Variants in PDE4D observed in about 807,000 individuals in gnomAD.
PDE4D encodes the protein 3',5'-cyclic-AMP phosphodiesterase 4D.
In PDE4D, 24 loss-of-function variants were observed where a neutral mutation model predicts 87.4. That is an observed-to-expected ratio of 0.27 (90% CI 0.20 to 0.39). The LOEUF is 0.39. Ranked by LOEUF, PDE4D falls within the 10% of genes least tolerant of loss-of-function variation. The pLI is 1.00. For missense variants in PDE4D, 714 were observed against 1,041.0 expected (o/e 0.69, Z 4.32); for synonymous variants, 384 against 383.2 (o/e 1.00, Z -0.02).
intron 1 of PDE4D, among the ~76,000 whole-genome samples, chr5:59,879,182 G>A (rs1749078460): frequency 2.0e-5 from 3 of 152,068 alleles, no homozygotes; most frequent in Admixed American, 1.3e-4. Flanking sequence ...TTACAGGCGT[G>A]AGCCACCGCG....
intron 1 of PDE4D, among the ~76,000 whole-genome samples, chr5:59,251,867 T>C (rs1337285223): frequency 6.6e-6 from 1 of 152,182 alleles, no homozygotes; most frequent in Non-Finnish European, 1.5e-5. Context: ...TGAGATCATG[T>C]CTTTTAACAT....
intron 1 of PDE4D, among the ~76,000 whole-genome samples, chr5:60,518,608 C>T (rs1048316656): frequency 6.6e-6 from 1 of 152,170 alleles, no homozygotes; most frequent in Non-Finnish European, 1.5e-5. Context: ...AGAGTTCATA[C>T]ACACACTCAA....
At chr5:60,316,444 G>A (rs1445942441) in intron 1 of PDE4D, among the ~76,000 whole-genome samples, 1 of 152,188 alleles carries the variant, frequency 6.6e-6, no homozygotes, top group African/African-American at 2.4e-5. Context: ...AAGACAATTT[G>A]ATTTCCTGTT....
intron 1 of PDE4D, among the ~76,000 whole-genome samples, chr5:59,628,351 C>T (rs1368863660): frequency 6.6e-6 from 1 of 152,174 alleles, no homozygotes; most frequent in Non-Finnish European, 1.5e-5. Context: ...ATCTATGCTT[C>T]TATGTCTAGA....
At chr5:59,678,999 CT>C (rs1418818863) in intron 1 of PDE4D, among the ~76,000 whole-genome samples, 1 of 152,160 alleles carries the variant, frequency 6.6e-6, no homozygotes, top group Non-Finnish European at 1.5e-5. Context: ...CATTACCAAT[CT>C]TTCTATTTCT....
intron 1 of PDE4D, among the ~76,000 whole-genome samples, chr5:60,367,106 G>T (rs533752368): frequency 2.6e-5 from 4 of 151,990 alleles, no homozygotes; most frequent in African/African-American, 9.6e-5. Flanking sequence ...TTTTTTTGTT[G>T]TTGTTGGGAG....
chr5:59,347,811 A>G (rs1378028018), intron 1 of PDE4D, among the ~76,000 whole-genome samples: 1 of 152,178 alleles, frequency 6.6e-6, no homozygotes, highest in East Asian at 1.9e-4. Context: ...ACAAGTCAGT[A>G]ATGAGGTCAA....
At chr5:59,089,028 C>G (rs1768220233) in intron 5 of PDE4D, among the ~76,000 whole-genome samples, 1 of 152,176 alleles carries the variant, frequency 6.6e-6, no homozygotes, top group Non-Finnish European at 1.5e-5. Context: ...TGTAGAAGTT[C>G]AATACATATT....
chr5:60,097,593 T>A (rs964970265), intron 2 of PDE4D, among the ~76,000 whole-genome samples: 5 of 151,998 alleles, frequency 3.3e-5, no homozygotes, highest in African/African-American at 1.2e-4. Flanking sequence ...GGTGACATAG[T>A]AAATTTGTCT....
chr5:60,440,839 G>T (rs1464875429), intron 1 of PDE4D, among the ~76,000 whole-genome samples: 1 of 151,950 alleles, frequency 6.6e-6, no homozygotes, highest in Non-Finnish European at 1.5e-5. Context: ...TTTCACCGAG[G>T]CAACTAAAGC....
chr5:60,336,660 T>C (rs1423498295), intron 1 of PDE4D, among the ~76,000 whole-genome samples: 1 of 152,172 alleles, frequency 6.6e-6, no homozygotes, highest in Non-Finnish European at 1.5e-5. Flanking sequence ...CACTCCCTCC[T>C]CTCTTTTTAG....
At chr5:59,226,173 A>G (rs1458986770) in intron 1 of PDE4D, among the ~76,000 whole-genome samples, 1 of 152,216 alleles carries the variant, frequency 6.6e-6, no homozygotes, top group Non-Finnish European at 1.5e-5. Flanking sequence ...AATTGAGATC[A>G]GCATGTCAAA....
chr5:59,135,183 G>A (rs1364150276), intron 5 of PDE4D, among the ~76,000 whole-genome samples: 1 of 152,144 alleles, frequency 6.6e-6, no homozygotes, highest in African/African-American at 2.4e-5. Flanking sequence ...GAAGGCTGGT[G>A]GTCTGAGGAG....
intron 1 of PDE4D, among the ~76,000 whole-genome samples, chr5:60,396,302 T>A (rs988261103): frequency 6.6e-6 from 1 of 152,316 alleles, no homozygotes; most frequent in Non-Finnish European, 1.5e-5. Context: ...AAAAGCCTCC[T>A]GTGTCTTCCT....
intron 1 of PDE4D, among the ~76,000 whole-genome samples, chr5:60,386,891 G>T (rs936721208): frequency 6.6e-6 from 1 of 152,196 alleles, no homozygotes; most frequent in Non-Finnish European, 1.5e-5. Context: ...TCTGTTGTTT[G>T]TGATTTTGTG....
intron 1 of PDE4D, among the ~76,000 whole-genome samples, chr5:59,790,524 T>C (rs1319779567): frequency 6.6e-6 from 1 of 152,140 alleles, no homozygotes; most frequent in Non-Finnish European, 1.5e-5. Flanking sequence ...GTAGTGAAAA[T>C]GTGCTCTGAT....
intron 1 of PDE4D, among the ~76,000 whole-genome samples, chr5:59,462,043 T>G (rs965824194): frequency 1.3e-5 from 2 of 152,130 alleles, no homozygotes; most frequent in African/African-American, 4.8e-5. Flanking sequence ...TCTATGATAG[T>G]CAGATTAAGT....
chr5:60,002,916 C>A (rs1322247891), intron 2 of PDE4D, among the ~76,000 whole-genome samples: 1 of 152,070 alleles, frequency 6.6e-6, no homozygotes, highest in Non-Finnish European at 1.5e-5. Context: ...GTAATGAAAG[C>A]CCTAGCCAGA....
chr5:60,267,549 A>G (rs1750345586), intron 1 of PDE4D, among the ~76,000 whole-genome samples: 1 of 152,144 alleles, frequency 6.6e-6, no homozygotes, highest in African/African-American at 2.4e-5. Context: ...TCACCTGTAA[A>G]AATAAGACCA....
Sources: gnomAD v4.1 joint callset for allele counts (sites outside exome capture counted in the v4.1 genomes callset) on GRCh38, gnomAD v4.1.1 for gene constraint, MANE v1.5 for transcripts, NCBI Gene and HGNC (gene_info 2026-07-23, HGNC 2026-07-21) for gene names.